ANAPC4: variants seen among roughly 807,000 people sequenced by gnomAD.
The protein encoded by ANAPC4 is anaphase-promoting complex subunit 4.
A neutral mutation model predicts 119.8 loss-of-function variants in ANAPC4; 63 were observed. The observed-to-expected ratio is 0.53, with a 90% CI of 0.43 to 0.65. The LOEUF is 0.65. ANAPC4 is among the 30% of genes least tolerant of loss of function. The pLI, the probability that ANAPC4 is intolerant of heterozygous loss-of-function variation, is 0.00. For missense variants in ANAPC4, 716 were observed against 945.1 expected, an observed-to-expected ratio of 0.76 and a Z score of 3.18; for synonymous variants, 283 against 318.6, an observed-to-expected ratio of 0.89 and a Z score of 1.19.
At chr4:25,388,641 G>A (rs977533305) in intron 5 of ANAPC4, 67 bp downstream of exon 5, 3 of 1,556,802 alleles carry the variant, frequency 1.9e-6, no homozygotes, top group Non-Finnish European at 2.6e-6. Flanking sequence ...TTAACACTGT[G>A]ACAATTTTCT....
chr4:25,378,073 G>C (rs1262458072), intron 2 of ANAPC4, among the ~76,000 whole-genome samples: 1 of 152,200 alleles, frequency 6.6e-6, no homozygotes, highest in Non-Finnish European at 1.5e-5. Flanking sequence ...TTATAGTACG[G>C]GTTGGATAAC....
chr4:25,382,182 C>T (rs1044859852), intron 3 of ANAPC4, among the ~76,000 whole-genome samples: 10 of 152,086 alleles, frequency 6.6e-5, no homozygotes, highest in East Asian at 1.9e-4. Flanking sequence ...ATGTTAATTG[C>T]GTACTAACCC....
chr4:25,406,744 T>A (rs1723271628), intron 18 of ANAPC4, 85 bp from the exon 19 acceptor site: 14 of 1,036,668 alleles, frequency 1.4e-5, no homozygotes, highest in Middle Eastern at 2.8e-4. Flanking sequence ...ATAGTAAAAA[T>A]GTCACATTTA....
chr4:25,377,516 C>T lies in ANAPC4; in HGVS notation c.89C>T (p.Pro30Leu). The T allele has an allele frequency of 6.2e-7, 1 of 1,613,660 alleles. No homozygotes were observed. The highest frequency in any genetic ancestry group is 8.5e-7 in the Non-Finnish European group (1 of 1,179,882). ...PQEIIFLVWS[P>L]KRDLIALANT... ...GAGATTATTTTCCTGGTCTGGTCGCCCAAGCGGGATCTCATTGCTTTGGCC... is the reference window on the plus strand; with the variant it reads ...GAGATTATTTTCCTGGTCTGGTCGCTCAAGCGGGATCTCATTGCTTTGGCC... The change falls in exon 2 of 29, where the codon CCC (proline) becomes CTC (leucine). Residue 30 changes from proline to leucine, a missense_variant. Pro to Leu is a moderately conservative substitution (Grantham distance 98). This residue lies in a region of ANAPC4 where 202 missense variants were observed against 293.5 expected (regional missense o/e 0.69). Transcript: ENST00000315368.
chr4:25,395,701 C>G (rs1215451858), intron 14 of ANAPC4, among the ~76,000 whole-genome samples: 3 of 152,056 alleles, frequency 2.0e-5, no homozygotes, highest in Non-Finnish European at 4.4e-5. Context: ...CCACCTGCCT[C>G]GGCCTCCCAA....
At chr4:25,414,008 A>G (rs1426502091) in intron 22 of ANAPC4, 17 of 476,526 alleles carry the variant, frequency 3.6e-5, no homozygotes, top group Non-Finnish European at 4.0e-5. Flanking sequence ...CCCAGAAGAA[A>G]TTCATTGTAA....
At chr4:25,414,297 TA>T in intron 22 of ANAPC4, 26 bp from the exon 23 acceptor site, 1 of 1,429,242 alleles carries the variant, frequency 7.0e-7, no homozygotes, top group Non-Finnish European at 9.6e-7. Flanking sequence ...ACGCTCTAAT[TA>T]TATTTTAAAA....
chr4:25,391,053 T>C lies in ANAPC4; in HGVS notation c.705+38T>C, dbSNP rs200856467. Reference sequence around the variant, plus strand: ...ACTTGATAACGGTAGAGAGTAAATATGTATTTAACAGGTTTTATATAGGTT... The same window carrying C: ...ACTTGATAACGGTAGAGAGTAAATACGTATTTAACAGGTTTTATATAGGTT... On this transcript the variant is annotated intron_variant, in intron 9 of 28. Transcript: ENST00000315368. 71 of 1,429,176 alleles carry C rather than the reference T, an allele frequency of 5.0e-5. No homozygotes were observed. The East Asian group carries it at 1.5e-3, about 30-fold the overall frequency. 88.5% of individuals were successfully genotyped at this position (1,429,176 alleles called of 1,614,324 possible). A position where few individuals can be genotyped will look rare whatever the true frequency, so the allele number is the denominator to read the frequency against.
At chr4:25,413,972 T>C (rs975819833) in intron 22 of ANAPC4, 1 of 488,094 alleles carries the variant, frequency 2.0e-6, no homozygotes. Context: ...ACTGAAGGTG[T>C]TGGCATCTTG....
intron 18 of ANAPC4, among the ~76,000 whole-genome samples, chr4:25,406,291 C>T (rs571779999): frequency 6.6e-6 from 1 of 152,252 alleles, no homozygotes; most frequent in Admixed American, 6.5e-5. Flanking sequence ...GAAAGTTTCA[C>T]AATAGTTGTT....
rs1723199418 is a variant in ANAPC4, at chr4:25,405,463, A to G, written c.1271-110A>G. ...TGTTTTTGTTGGTGAAAAGCTGTGTAAAATTGAAGATTTAGTTCAGTCAAA... is the reference window on the plus strand; with the variant it reads ...TGTTTTTGTTGGTGAAAAGCTGTGTGAAATTGAAGATTTAGTTCAGTCAAA... On this transcript the variant is annotated intron_variant, in intron 17 of 28. Coordinates refer to ENST00000315368, the MANE Select transcript of ANAPC4 (RefSeq NM_013367.3). The surrounding 1 kb of genome is among the most constrained non-coding windows in gnomAD (Gnocchi z 4.6). The G allele has an allele frequency of 4.2e-6, 4 of 946,196 alleles. No individual in the cohort carries two copies. The highest frequency in any genetic ancestry group is 6.4e-6 in the Non-Finnish European group (4 of 622,256). The allele number at this position is 946,196 out of a possible 1,614,324, so 58.6% of individuals were successfully genotyped here.
intron 27 of ANAPC4, 68 bp from the exon 28 acceptor site, chr4:25,417,548 A>AC: frequency 6.8e-7 from 1 of 1,468,774 alleles, no homozygotes; most frequent in Non-Finnish European, 9.0e-7. Flanking sequence ...CCCTAATACC[A>AC]CCTGTAGTAA....
rs777311129 is a variant in ANAPC4 at position 25,407,185 on chromosome 4, A to AT, written c.1375-5dup. On this transcript the variant is annotated splice_polypyrimidine_tract_variant and intron_variant, in intron 19 of 28. Transcript: ENST00000315368. The stretch of plus-strand genomic sequence containing the variant: ...TTGACTTAAGAATTAAACTATGTTT[A>AT]TTTTTTTCCAGGCTCCAGACCTTTA... 18 of 1,588,832 alleles carry AT rather than the reference A, an allele frequency of 1.1e-5. No homozygotes were observed. The highest frequency in any genetic ancestry group is 1.4e-5 in the Non-Finnish European group (16 of 1,169,414).
Position 25,377,304 on chromosome 4 carries a change from C to T in ANAPC4, c.-51C>T, listed in dbSNP as rs1053219507. 3.1e-5 allele frequency: 42 copies of T among 1,339,214 alleles called. No individual in the cohort carries two copies. In the Admixed American group the frequency reaches 3.7e-4, roughly 12 times the overall value. The allele number at this position is 1,339,214 out of a possible 1,614,324, so 83.0% of individuals were successfully genotyped here. A position where few individuals can be genotyped will look rare whatever the true frequency, so the allele number is the denominator to read the frequency against. On this transcript the variant is annotated 5_prime_UTR_variant, in exon 1 of 29. Coordinates refer to ENST00000315368, the MANE Select transcript of ANAPC4 (RefSeq NM_013367.3). ...GCGGCCGGCAGAGGGAGGGGAGAGG[C>T]CACTGGGGCCGTGTTAGTCTGCCGG... is the stretch of plus-strand genomic sequence containing the variant.
chr4:25,406,477 A>C (rs959418620), intron 18 of ANAPC4, among the ~76,000 whole-genome samples: 1 of 152,194 alleles, frequency 6.6e-6, no homozygotes, highest in Admixed American at 6.5e-5. Context: ...GCCCTTAACT[A>C]AGGGTGACAC....
intron 3 of ANAPC4, among the ~76,000 whole-genome samples, chr4:25,382,683 T>C (rs1533133): frequency 0.43 from 65,873 of 152,098 alleles, 15,852 homozygotes; most frequent in Non-Finnish European, 0.53. Context: ...GATGGTGATA[T>C]GCAGTGAAAC....
At chr4:25,390,418 T>C (rs1188803708) in intron 8 of ANAPC4, among the ~76,000 whole-genome samples, 198 bp downstream of exon 8, 2 of 152,216 alleles carry the variant, frequency 1.3e-5, no homozygotes, top group Non-Finnish European at 2.9e-5. Context: ...ATTTGTGGAA[T>C]TAGTCAAGTT....
Position 25,391,010 on chromosome 4 carries a change from T to A in ANAPC4, c.700T>A (p.Phe234Ile), listed in dbSNP as rs773529954. ...STNGASEVSYFQLETNLLYSF... is the reference protein window; with the variant it reads ...STNGASEVSYIQLETNLLYSF... ...CAATGGTGCTTCAGAAGTTTCATAC[T>A]TTCAGGTGAGTATTGGAACTTGATA... Residue 234 changes from phenylalanine to isoleucine, a missense_variant, in exon 9 of 29, where the codon TTT (phenylalanine) becomes ATT (isoleucine). Phe to Ile is a conservative substitution (Grantham distance 21). Coordinates refer to ENST00000315368, the MANE Select transcript of ANAPC4 (RefSeq NM_013367.3). 2.7e-5 allele frequency: 43 copies of A among 1,606,254 alleles called. No individual in the cohort carries two copies. In the Admixed American group the frequency reaches 4.7e-4, roughly 17 times the overall value.
chr4:25,392,971 G>A (rs1003063368), intron 10 of ANAPC4, among the ~76,000 whole-genome samples: 2 of 152,178 alleles, frequency 1.3e-5, no homozygotes, highest in African/African-American at 2.4e-5. Context: ...AAGTGGAAGT[G>A]TACAAAGACT....
Sources: allele counts gnomAD v4.1 joint callset (sites outside exome capture counted in the v4.1 genomes callset), GRCh38; gene constraint gnomAD v4.1.1; regional missense constraint gnomAD v4.1.1; non-coding constraint Gnocchi (gnomAD v3.1); transcripts MANE v1.5; gene names NCBI Gene and HGNC (gene_info 2026-07-23, HGNC 2026-07-21).